The following ZBTB40 variants were observed in gnomAD, a reference collection of about 807,000 sequenced individuals.
ZBTB40 encodes zinc finger and BTB domain-containing protein 40.
ZBTB40 carries 60 observed loss-of-function variants against 117.5 expected under a neutral mutation model. The ratio of observed to expected loss-of-function variants is 0.51; its 90% CI spans 0.41 to 0.63. The LOEUF (loss-of-function observed/expected upper bound fraction) is 0.63. Ranked by LOEUF, ZBTB40 falls within the 30% of genes least tolerant of loss-of-function variation. ZBTB40 has a pLI of 0.00. For missense variants in ZBTB40, 1,287 were observed against 1,498.5 expected (o/e 0.86, Z 2.33); for synonymous variants, 525 against 577.1 (o/e 0.91, Z 1.29).
intron 1 of ZBTB40, among the ~76,000 whole-genome samples, chr1:22,457,164 A>T (rs545881293): frequency 6.6e-6 from 1 of 152,152 alleles, no homozygotes; most frequent in Admixed American, 6.5e-5. Context: ...GGGAGGGGAT[A>T]GACTTGAGGA....
chr1:22,522,363 T>C lies in ZBTB40; in HGVS notation c.3212-14T>C. On this transcript the variant is annotated splice_polypyrimidine_tract_variant and intron_variant, in intron 15 of 17. Transcript: ENST00000375647. Reference sequence around the variant, plus strand: ...TGTTCTTTCCCAGCACGTCTTTCTTTATGCACTTCACAGATATGAAGTTCC... The same window carrying C: ...TGTTCTTTCCCAGCACGTCTTTCTTCATGCACTTCACAGATATGAAGTTCC... 6.2e-7 allele frequency: 1 copy of C among 1,613,798 alleles called. No homozygotes were observed. The highest frequency in any genetic ancestry group is 8.5e-7 in the Non-Finnish European group (1 of 1,179,656).
rs1268661 is a variant in ZBTB40 at position 22,472,984 on chromosome 1, A to G, written c.-69-16896A>G. Among the ~76,000 whole-genome samples, 552 of 152,346 alleles carry G rather than the reference A, an allele frequency of 3.6e-3. 4 individuals are homozygous for G. The highest frequency in any genetic ancestry group is 0.013 in the African/African-American group (524 of 41,574). Reference sequence around the variant, plus strand: ...ATGTCATATGGATTTATTCCCAGAGATACTTTGGACATTGTTTTTCTGTCT... The same window carrying G: ...ATGTCATATGGATTTATTCCCAGAGGTACTTTGGACATTGTTTTTCTGTCT... On this transcript the variant is annotated intron_variant, in intron 1 of 17. Coordinates refer to ENST00000375647, the MANE Select transcript of ZBTB40 (RefSeq NM_014870.4).
intron 1 of ZBTB40, among the ~76,000 whole-genome samples, chr1:22,466,365 T>C (rs1435189585): frequency 6.6e-6 from 1 of 152,202 alleles, no homozygotes; most frequent in Non-Finnish European, 1.5e-5. Flanking sequence ...GGTTTTTGAG[T>C]GGATCCATGT....
intron 1 of ZBTB40, among the ~76,000 whole-genome samples, chr1:22,456,721 A>G (rs992435210): frequency 2.6e-5 from 4 of 152,350 alleles, no homozygotes; most frequent in East Asian, 1.9e-4. Flanking sequence ...GTGGTCAAGC[A>G]TAGTTGAATG....
chr1:22,525,599 T>G (rs1639654674), intron 17 of ZBTB40, among the ~76,000 whole-genome samples: 1 of 152,234 alleles, frequency 6.6e-6, no homozygotes, highest in South Asian at 2.1e-4. Context: ...TAACAGATTA[T>G]GCAGATTTGG....
chr1:22,524,508 G>A, intron 17 of ZBTB40, 64 bp downstream of exon 17: 1 of 1,547,890 alleles, frequency 6.5e-7, no homozygotes, highest in East Asian at 2.3e-5. Context: ...TTCTCTAGAG[G>A]TGGCTCTGTC....
intron 1 of ZBTB40, among the ~76,000 whole-genome samples, chr1:22,480,567 G>A (rs1638268737): frequency 6.6e-6 from 1 of 151,562 alleles, no homozygotes; most frequent in Non-Finnish European, 1.5e-5. Flanking sequence ...AGCCAGGATG[G>A]TCTCGATCTC....
At chr1:22,491,262 T>A in intron 2 of ZBTB40, 138 bp from the exon 3 acceptor site, 2 of 848,084 alleles carry the variant, frequency 2.4e-6, no homozygotes, top group Non-Finnish European at 3.8e-6. Context: ...TACTGTTGTC[T>A]GTTATTCATA....
upstream of ZBTB40, among the ~76,000 whole-genome samples, chr1:22,450,184 A>G (rs1640842260): frequency 6.6e-6 from 1 of 152,160 alleles, no homozygotes; most frequent in Non-Finnish European, 1.5e-5. Context: ...ACCTCAGGTG[A>G]TCCGCCTGCC....
chr1:22,432,750 A>G (rs1050848911), intron 1 of ZBTB40, among the ~76,000 whole-genome samples: 1 of 152,182 alleles, frequency 6.6e-6, no homozygotes, highest in African/African-American at 2.4e-5. Context: ...ACAAATGTAT[A>G]TTCTTATATC....
chr1:22,478,330 C>T (rs555731577), intron 1 of ZBTB40, among the ~76,000 whole-genome samples: 32 of 152,246 alleles, frequency 2.1e-4, no homozygotes, highest in Admixed American at 3.9e-4. Flanking sequence ...TCACTGCAAG[C>T]TCCGCCTCCT....
Position 22,463,859 on chromosome 1 carries a change from T to A in ZBTB40, c.-70+11855T>A, listed in dbSNP as rs539377812. Among the ~76,000 whole-genome samples, 17 of 152,370 alleles carry A rather than the reference T, an allele frequency of 1.1e-4. 1 individual carries two copies. The South Asian group carries it at 3.5e-3, about 32-fold the overall frequency. ...TTTGTAGAACACCTCAAAAGAAGTTTCATTAGAAATGGAGAGAATCTGGAA... is the reference window on the plus strand; with the variant it reads ...TTTGTAGAACACCTCAAAAGAAGTTACATTAGAAATGGAGAGAATCTGGAA... On this transcript the variant is annotated intron_variant, in intron 1 of 17. Transcript: ENST00000375647.
intron 1 of ZBTB40, among the ~76,000 whole-genome samples, chr1:22,470,220 G>A (rs1641367495): frequency 6.6e-6 from 1 of 152,146 alleles, no homozygotes; most frequent in African/African-American, 2.4e-5. Context: ...AAAATAATAG[G>A]GCTGAATTAC....
chr1:22,518,287 A>C (rs929213100), intron 13 of ZBTB40, among the ~76,000 whole-genome samples: 3 of 152,130 alleles, frequency 2.0e-5, no homozygotes, highest in African/African-American at 7.2e-5. Flanking sequence ...GGCCTTAAAC[A>C]AATTTATTTA....
rs1016710615 is a variant in ZBTB40 at position 22,513,977 on chromosome 1, G to A, written c.2668+847G>A. ...CTGACTAAGCACCTACCGTGGATCA[G>A]ACAGTGGCAGATGCCGAGTGGCTGA... On this transcript the variant is annotated intron_variant, in intron 12 of 17. Coordinates refer to ENST00000375647, the MANE Select transcript of ZBTB40 (RefSeq NM_014870.4). This position sits in a 1 kb window ranked among gnomAD's most constrained non-coding sequence, Gnocchi z 4.9. 1.3e-5 allele frequency among the ~76,000 whole-genome samples: 2 copies of A among 152,236 alleles called. No individual in the cohort carries two copies. The highest frequency in any genetic ancestry group is 2.9e-5 in the Non-Finnish European group (2 of 68,048).
At chr1:22,479,443 T>C (rs575160543) in intron 1 of ZBTB40, among the ~76,000 whole-genome samples, 2 of 152,328 alleles carry the variant, frequency 1.3e-5, no homozygotes, top group South Asian at 4.1e-4. Context: ...ATCATATAAA[T>C]ACTTGGTTGA....
In ZBTB40 at chr1:22,509,109, C is replaced by G; in HGVS notation, c.1709C>G (p.Pro570Arg). 1 of 1,614,050 alleles carries G rather than the reference C, an allele frequency of 6.2e-7. No individual in the cohort carries two copies. Among genetic ancestry groups the G allele is most frequent in the Non-Finnish European group, 8.5e-7 (1 of 1,180,028 alleles). Residue 570 changes from proline to arginine, a missense_variant, in exon 9 of 18, where the codon CCA becomes CGA. Transcript: ENST00000375647. ...ADAFFRAVTT[P>R]EHATLETILR... Reference sequence around the variant, plus strand: ...TCCCCCTTTTTTTCAGTGACCACCCCAGAACATGCCACTTTAGAAACAATC... The same window carrying G: ...TCCCCCTTTTTTTCAGTGACCACCCGAGAACATGCCACTTTAGAAACAATC...
At chr1:22,448,001 C>T (rs1025976298), upstream of ZBTB40, among the ~76,000 whole-genome samples, 2 of 152,228 alleles carry the variant, frequency 1.3e-5, no homozygotes, top group African/African-American at 2.4e-5. Flanking sequence ...ACACCACTGC[C>T]TTGGGGAACA....
intron 1 of ZBTB40, among the ~76,000 whole-genome samples, chr1:22,456,005 A>C (rs535702799): frequency 1.3e-5 from 2 of 152,170 alleles, no homozygotes; most frequent in African/African-American, 4.8e-5. Flanking sequence ...GTGACCCCTC[A>C]GCCTCTTTCA....
Sources: gnomAD v4.1 joint callset for allele counts (sites outside exome capture counted in the v4.1 genomes callset) on GRCh38, gnomAD v4.1.1 for gene constraint, Gnocchi (gnomAD v3.1) non-coding constraint, MANE v1.5 for transcripts, NCBI Gene and HGNC (gene_info 2026-07-23, HGNC 2026-07-21) for gene names.